RNF180: variants seen among roughly 807,000 people sequenced by gnomAD.
The protein encoded by RNF180 is ring finger protein 180, also known as E3 ubiquitin-protein ligase RNF180.
A neutral mutation model predicts 59.2 loss-of-function variants in RNF180; 38 were observed. That is an observed-to-expected ratio of 0.64 (90% CI 0.50 to 0.84). The LOEUF is 0.84. RNF180 is among the 40% of genes least tolerant of loss of function. The pLI is 0.00. For synonymous variants in RNF180, 262 were observed against 240.3 expected (o/e 1.09, Z -0.84); for missense variants, 705 against 700.9 (o/e 1.01, Z -0.07).
intron 5 of RNF180, among the ~76,000 whole-genome samples, chr5:64,225,300 G>A (rs538947009): frequency 3.2e-4 from 49 of 150,858 alleles, no homozygotes; most frequent in South Asian, 6.3e-4. Flanking sequence ...CGGCCGCCCC[G>A]TCTGGGAAGT....
At chr5:64,293,614 C>G (rs1468449347) in intron 5 of RNF180, among the ~76,000 whole-genome samples, 1 of 151,564 alleles carries the variant, frequency 6.6e-6, no homozygotes, top group African/African-American at 2.4e-5. Context: ...ATAATTTTAA[C>G]TACTGTATAA....
chr5:64,302,532 C>G (rs1743212665), intron 5 of RNF180, among the ~76,000 whole-genome samples: 1 of 151,408 alleles, frequency 6.6e-6, no homozygotes. Context: ...AGGATTGGGG[C>G]CAAAGGGTCA....
intron 5 of RNF180, among the ~76,000 whole-genome samples, chr5:64,232,112 ACTGAG>A: frequency 6.6e-6 from 1 of 152,204 alleles, no homozygotes; most frequent in African/African-American, 2.4e-5. Context: ...AGTAATAAAT[ACTGAG>A]AATGTAATGG....
At chr5:64,340,331 G>A (rs1006491433) in intron 7 of RNF180, among the ~76,000 whole-genome samples, 1 of 152,160 alleles carries the variant, frequency 6.6e-6, no homozygotes, top group Non-Finnish European at 1.5e-5. Flanking sequence ...CAGCTGAAAT[G>A]TAGGTGTCTG....
At chr5:64,279,306 A>G (rs1234862560) in intron 5 of RNF180, among the ~76,000 whole-genome samples, 1 of 152,160 alleles carries the variant, frequency 6.6e-6, no homozygotes, top group East Asian at 1.9e-4. Context: ...ATTTTTGGCT[A>G]TAGCAATTTT....
At chr5:64,248,053 A>G (rs1459166789) in intron 5 of RNF180, among the ~76,000 whole-genome samples, 2 of 152,352 alleles carry the variant, frequency 1.3e-5, no homozygotes, top group African/African-American at 2.4e-5. Flanking sequence ...CTAGCTAGCC[A>G]TACGCAGAAA....
At chr5:64,188,608 A>G (rs1229326422) in intron 1 of RNF180, among the ~76,000 whole-genome samples, 1 of 152,196 alleles carries the variant, frequency 6.6e-6, no homozygotes, top group Non-Finnish European at 1.5e-5. Context: ...TTTAAGAAAG[A>G]TATTGATAAT....
intron 5 of RNF180, among the ~76,000 whole-genome samples, chr5:64,246,729 G>C (rs1237681849): frequency 6.6e-6 from 1 of 152,102 alleles, no homozygotes; most frequent in Non-Finnish European, 1.5e-5. Flanking sequence ...CCAAACAATA[G>C]AAAAAGAGGG....
At chr5:64,296,440 T>G (rs1742884638) in intron 5 of RNF180, among the ~76,000 whole-genome samples, 1 of 152,128 alleles carries the variant, frequency 6.6e-6, no homozygotes, top group Non-Finnish European at 1.5e-5. Context: ...AAGACAAAAA[T>G]TCCATCCAAA....
At chr5:64,330,760 T>C (rs1744869253) in intron 7 of RNF180, among the ~76,000 whole-genome samples, 1 of 152,226 alleles carries the variant, frequency 6.6e-6, no homozygotes, top group Non-Finnish European at 1.5e-5. Flanking sequence ...TGAAGCCAGC[T>C]GCAGTCGGGG....
intron 5 of RNF180, among the ~76,000 whole-genome samples, chr5:64,275,862 C>T (rs949073835): frequency 3.3e-5 from 5 of 152,036 alleles, no homozygotes; most frequent in African/African-American, 1.2e-4. Flanking sequence ...CTGCTACTCC[C>T]CTACCACCCT....
chr5:64,264,335 A>G (rs1251061392), intron 5 of RNF180, among the ~76,000 whole-genome samples: 1 of 152,044 alleles, frequency 6.6e-6, no homozygotes, highest in Non-Finnish European at 1.5e-5. Flanking sequence ...TCTAGGTTTT[A>G]AGCCCCACAT....
intron 5 of RNF180, among the ~76,000 whole-genome samples, chr5:64,266,206 C>T (rs1744669023): frequency 1.3e-5 from 2 of 152,046 alleles, no homozygotes; most frequent in African/African-American, 4.8e-5. Context: ...TGTGAATACG[C>T]TTTATTTATT....
intron 1 of RNF180, among the ~76,000 whole-genome samples, chr5:64,180,592 C>G (rs1052574550): frequency 3.9e-5 from 6 of 152,014 alleles, no homozygotes; most frequent in African/African-American, 1.4e-4. Flanking sequence ...GAGGAAGTAC[C>G]TTAATTAAGA....
At chr5:64,210,484 T>A (rs1752257054) in intron 2 of RNF180, among the ~76,000 whole-genome samples, 1 of 152,194 alleles carries the variant, frequency 6.6e-6, no homozygotes, top group African/African-American at 2.4e-5. Context: ...GAAAATCTGA[T>A]AACATCTGTT....
intron 7 of RNF180, among the ~76,000 whole-genome samples, chr5:64,357,184 TTACTC>T (rs1298477229): frequency 1.3e-5 from 2 of 151,818 alleles, no homozygotes; most frequent in African/African-American, 4.8e-5. Context: ...TTAATACTTT[TTACTC>T]TAGGAGCCTA....
intron 5 of RNF180, among the ~76,000 whole-genome samples, chr5:64,267,514 C>T (rs1337535149): frequency 6.6e-6 from 1 of 151,810 alleles, no homozygotes; most frequent in Non-Finnish European, 1.5e-5. Flanking sequence ...CCCCCCACCC[C>T]ACAACAGTCC....
intron 5 of RNF180, among the ~76,000 whole-genome samples, chr5:64,285,699 G>A (rs1356597591): frequency 6.6e-6 from 1 of 152,110 alleles, no homozygotes; most frequent in Non-Finnish European, 1.5e-5. Flanking sequence ...AGGAGATAGA[G>A]GGTGCTCAGA....
In RNF180 at chr5:64,213,979, G is replaced by T. The variant is rs771953063; in HGVS notation, c.653G>T (p.Arg218Ile). 7 of 1,613,990 alleles carry T rather than the reference G, an allele frequency of 4.3e-6. No individual in the cohort carries two copies. The South Asian group carries it at 7.7e-5, about 18-fold the overall frequency. The change falls in exon 4 of 8, where the codon AGA becomes ATA. Residue 218 changes from arginine to isoleucine, a missense_variant. By Grantham distance (97) the Arg-to-Ile change is moderately conservative. Coordinates refer to ENST00000389100, the MANE Select transcript of RNF180 (RefSeq NM_001113561.2). The part of the protein sequence containing the change: ...QLFVPQLVTG[R>I]CATRAFHRKS... ...TTTGTTCCCCAGCTTGTGACTGGCA[G>T]ATGCGCTACAAGAGCTTTTCATAGA...
Sources: allele counts gnomAD v4.1 joint callset (sites outside exome capture counted in the v4.1 genomes callset), GRCh38; gene constraint gnomAD v4.1.1; transcripts MANE v1.5; gene names NCBI Gene and HGNC (gene_info 2026-07-23, HGNC 2026-07-21).